The following FRMD5 variants were observed in gnomAD, a reference collection of about 807,000 sequenced individuals.
FRMD5 encodes the protein FERM domain containing 5.
Under a neutral mutation model 69.0 loss-of-function variants are expected in FRMD5, and 20 were observed. The observed-to-expected ratio is 0.29, with a 90% CI of 0.20 to 0.42. The LOEUF (loss-of-function observed/expected upper bound fraction) is 0.42, where lower values mean the gene tolerates loss of function less well. FRMD5 is among the 10% of genes least tolerant of loss of function. The pLI is 1.00. For missense variants in FRMD5, 595 were observed against 708.6 expected, an observed-to-expected ratio of 0.84 and a Z score of 1.82; for synonymous variants, 271 against 260.1, an observed-to-expected ratio of 1.04 and a Z score of -0.40.
chr15:44,098,353 T>C (rs1458393226), intron 1 of FRMD5, among the ~76,000 whole-genome samples: 1 of 151,798 alleles, frequency 6.6e-6, no homozygotes. Context: ...GGTGAAACCC[T>C]ATCTCTACTA....
At chr15:43,946,153 GCT>G (rs2089943682) in intron 1 of FRMD5, among the ~76,000 whole-genome samples, 2 of 151,788 alleles carry the variant, frequency 1.3e-5, no homozygotes, top group South Asian at 4.2e-4. Flanking sequence ...CAGGTCCTTT[GCT>G]CTCTTATCTC....
At chr15:44,107,367 G>A (rs1047296549) in intron 1 of FRMD5, among the ~76,000 whole-genome samples, 8 of 152,156 alleles carry the variant, frequency 5.3e-5, no homozygotes, top group Admixed American at 2.0e-4. Context: ...AAACAGGAAC[G>A]ACACAGAAGG....
chr15:44,124,593 G>T (rs1044005671), intron 1 of FRMD5, among the ~76,000 whole-genome samples: 1 of 151,962 alleles, frequency 6.6e-6, no homozygotes, highest in African/African-American at 2.4e-5. Flanking sequence ...CAGCTACTTG[G>T]GAGGCTGAGG....
At chr15:44,098,922 T>C (rs1246218106) in intron 1 of FRMD5, among the ~76,000 whole-genome samples, 1 of 152,198 alleles carries the variant, frequency 6.6e-6, no homozygotes, top group Non-Finnish European at 1.5e-5. Context: ...GATTTGCAAA[T>C]GAAGAGTAGC....
chr15:43,892,050 G>A lies in FRMD5; in HGVS notation c.659C>T (p.Ala220Val). The change falls in exon 8 of 14, where the codon GCA becomes GTA. Residue 220 changes from alanine to valine, a missense_variant. Coordinates refer to ENST00000417257, the MANE Select transcript of FRMD5 (RefSeq NM_032892.5). ...HPCKDVSGNA[A>V]FLAFTPFGFV... is the part of the protein sequence containing the mutation. ...CCCAAAAGGAGTGAAGGCCAGAAAT[G>A]CAGCATTTCCTGACACGTCCTGCAA... 6.2e-7 allele frequency: 1 copy of A among 1,614,126 alleles called. No homozygotes were observed. The highest frequency in any genetic ancestry group is 8.5e-7 in the Non-Finnish European group (1 of 1,179,968).
intron 1 of FRMD5, among the ~76,000 whole-genome samples, chr15:43,971,224 G>A (rs538153840): frequency 6.6e-6 from 1 of 151,240 alleles, no homozygotes; most frequent in African/African-American, 2.4e-5. Context: ...TGGTGACAGA[G>A]TATGACTCCA....
chr15:44,040,557 G>T (rs2140312729), intron 1 of FRMD5, among the ~76,000 whole-genome samples: 1 of 152,220 alleles, frequency 6.6e-6, no homozygotes, highest in East Asian at 1.9e-4. Flanking sequence ...TTCATATCCA[G>T]CCAAATTAAG....
chr15:44,098,080 T>A (rs2076578979), intron 1 of FRMD5, among the ~76,000 whole-genome samples: 1 of 137,288 alleles, frequency 7.3e-6, no homozygotes. Flanking sequence ...AGCCAGAAAG[T>A]AATGCCATGC....
intron 1 of FRMD5, among the ~76,000 whole-genome samples, chr15:44,183,078 G>A (rs1032484792): frequency 4.6e-5 from 7 of 151,998 alleles, no homozygotes; most frequent in Admixed American, 1.3e-4. Context: ...GATTACAGGC[G>A]TTAGCCACTG....
intron 1 of FRMD5, among the ~76,000 whole-genome samples, chr15:44,162,836 C>T (rs1392004199): frequency 7.6e-6 from 1 of 132,220 alleles, no homozygotes; most frequent in Non-Finnish European, 1.5e-5. Flanking sequence ...CACTGTACTC[C>T]AGCATGGGCA....
At chr15:43,879,746 GAT>G (rs2088471159) in intron 13 of FRMD5, 1 of 398,542 alleles carries the variant, frequency 2.5e-6, no homozygotes, top group Non-Finnish European at 4.4e-6. Context: ...GGCAGGGAGA[GAT>G]ACAGAGAGGC....
Position 43,872,300 on chromosome 15 carries a change from G to A in FRMD5, c.*1585C>T, listed in dbSNP as rs2088180214. 1 of 152,030 alleles carries A rather than the reference G, an allele frequency of 6.6e-6. No homozygotes were observed. The highest frequency in any genetic ancestry group is 1.5e-5 in the Non-Finnish European group (1 of 68,004). 9.4% of individuals were successfully genotyped at this position (152,030 alleles called of 1,614,324 possible). The stretch of plus-strand genomic sequence containing the variant: ...TCTACCATCTCGGGGGACAAAATAG[G>A]GGAGGTCAAGTCTACAAGTGACTTG... On this transcript the variant is annotated 3_prime_UTR_variant, in exon 14 of 14. Transcript: ENST00000417257.
At chr15:43,905,718 T>G in intron 6 of FRMD5, 110 bp downstream of exon 6, 1 of 1,369,142 alleles carries the variant, frequency 7.3e-7, no homozygotes, top group Non-Finnish European at 1.0e-6. Context: ...CTGGGGAGCA[T>G]CACTCTGTGT....
At chr15:44,124,845 A>G (rs919339037) in intron 1 of FRMD5, among the ~76,000 whole-genome samples, 10 of 152,208 alleles carry the variant, frequency 6.6e-5, no homozygotes, top group African/African-American at 2.4e-4. Flanking sequence ...CAAAACAACA[A>G]TTAAGAACAT....
At chr15:43,963,881 G>C (rs1311801137) in intron 1 of FRMD5, among the ~76,000 whole-genome samples, 2 of 152,054 alleles carry the variant, frequency 1.3e-5, no homozygotes, top group Non-Finnish European at 2.9e-5. Context: ...ACAGGAAGGG[G>C]AACATCACAC....
chr15:43,944,952 TTTA>T (rs2089920238), intron 1 of FRMD5, among the ~76,000 whole-genome samples: 2 of 133,074 alleles, frequency 1.5e-5, no homozygotes, highest in African/African-American at 3.1e-5. Flanking sequence ...AGTTTATTTA[TTTA>T]TTTTTTTTTT....
In FRMD5 at chr15:43,884,810, A is replaced by G. The variant is rs2088624666; in HGVS notation, c.960-15T>C. 1 of 1,611,812 alleles carries G rather than the reference A, an allele frequency of 6.2e-7. No individual in the cohort carries two copies. Among genetic ancestry groups the G allele is most frequent in the Non-Finnish European group, 8.5e-7 (1 of 1,178,064 alleles). ...CAACTCGGCCACTGTAAGTAGTGTA[A>G]TAAAAACAAGCAGCAAGAAATGAGA... On this transcript the variant is annotated splice_polypyrimidine_tract_variant and intron_variant, in intron 11 of 13. Transcript: ENST00000417257.
intron 1 of FRMD5, among the ~76,000 whole-genome samples, chr15:44,096,276 T>TAA (rs906976753): frequency 4.0e-5 from 6 of 151,706 alleles, no homozygotes; most frequent in African/African-American, 1.5e-4. Context: ...GTGATCCATT[T>TAA]AATCACAAAT....
At chr15:44,143,762 A>G (rs1463608521) in intron 1 of FRMD5, among the ~76,000 whole-genome samples, 3 of 151,388 alleles carry the variant, frequency 2.0e-5, no homozygotes, top group Non-Finnish European at 4.4e-5. Flanking sequence ...CGTCTCCACT[A>G]AAAATACAAA....
Sources: gnomAD v4.1 joint callset for allele counts (sites outside exome capture counted in the v4.1 genomes callset) on GRCh38, gnomAD v4.1.1 for gene constraint, MANE v1.5 for transcripts, NCBI Gene and HGNC (gene_info 2026-07-23, HGNC 2026-07-21) for gene names.